Variants in GLMN observed in about 807,000 individuals in gnomAD.
GLMN encodes glomulin, FKBP associated protein, also known as glomulin.
GLMN carries 75 observed loss-of-function variants against 87.8 expected under a neutral mutation model. That is an observed-to-expected ratio of 0.85 (90% CI 0.71 to 1.04). The LOEUF is 1.04. GLMN is among the 50% of genes least tolerant of loss of function. The probability of loss-of-function intolerance (pLI) is 0.00; values close to 1 mark genes in which losing one functional copy is unlikely to be tolerated. For missense variants in GLMN, 588 were observed against 658.8 expected (o/e 0.89, Z 1.18); for synonymous variants, 206 against 221.6 (o/e 0.93, Z 0.63).
At chr1:92,347,930 G>A in the GLMN span, among the ~76,000 whole-genome samples, 3 of 151,478 alleles carry the variant, frequency 2.0e-5, no homozygotes, top group Non-Finnish European at 4.4e-5. Flanking sequence ...TTTTCTTTGA[G>A]ATGGAGTCTC....
chr1:92,353,933 C>T, the GLMN span, among the ~76,000 whole-genome samples: 14 of 152,220 alleles, frequency 9.2e-5, no homozygotes, highest in East Asian at 2.7e-3. Flanking sequence ...ACAGAATTCC[C>T]TATATCTTTG....
chr1:92,302,786 G>C (rs12039663), upstream of GLMN, among the ~76,000 whole-genome samples: 1 of 151,682 alleles, frequency 6.6e-6, no homozygotes, highest in Non-Finnish European at 1.5e-5. Flanking sequence ...ATTTTTAGTA[G>C]AGATGGGATT....
chr1:92,287,327 T>C (rs948882585), intron 6 of GLMN, among the ~76,000 whole-genome samples: 1 of 152,160 alleles, frequency 6.6e-6, no homozygotes, highest in African/African-American at 2.4e-5. Flanking sequence ...TTTTATGAAA[T>C]AATGGGTTTT....
chr1:92,354,349 G>A, the GLMN span, among the ~76,000 whole-genome samples: 1 of 152,134 alleles, frequency 6.6e-6, no homozygotes, highest in African/African-American at 2.4e-5. Flanking sequence ...ACTATTCTGA[G>A]AGAATTGTTA....
the GLMN span, among the ~76,000 whole-genome samples, chr1:92,319,673 T>G: frequency 6.6e-6 from 1 of 152,158 alleles, no homozygotes; most frequent in Non-Finnish European, 1.5e-5. Context: ...GAGCTTATAG[T>G]CTAGTTAAGA....
the GLMN span, among the ~76,000 whole-genome samples, chr1:92,312,311 T>G: frequency 1.3e-5 from 2 of 152,158 alleles, no homozygotes; most frequent in South Asian, 4.2e-4. Context: ...TTGTAGCTAC[T>G]TGGGATGCTG....
chr1:92,352,759 G>T, the GLMN span, among the ~76,000 whole-genome samples: 1 of 152,158 alleles, frequency 6.6e-6, no homozygotes, highest in South Asian at 2.1e-4. Context: ...CTGGTTTTTA[G>T]TATATTCACT....
chr1:92,263,350 C>T (rs918736216), intron 15 of GLMN, among the ~76,000 whole-genome samples: 4 of 152,086 alleles, frequency 2.6e-5, no homozygotes, highest in African/African-American at 9.7e-5. Flanking sequence ...TTTTAAGTCA[C>T]AAGTGCTGTC....
the GLMN span, among the ~76,000 whole-genome samples, chr1:92,364,423 A>C: frequency 6.6e-6 from 1 of 152,202 alleles, no homozygotes; most frequent in Non-Finnish European, 1.5e-5. Context: ...GGTCATCCTC[A>C]TCAAATAATT....
chr1:92,330,778 T>C, the GLMN span, among the ~76,000 whole-genome samples: 1 of 152,120 alleles, frequency 6.6e-6, no homozygotes, highest in Non-Finnish European at 1.5e-5. Flanking sequence ...TTAAAAACTT[T>C]TTGTTATGGA....
the GLMN span, among the ~76,000 whole-genome samples, chr1:92,310,402 A>G: frequency 6.6e-6 from 1 of 152,200 alleles, no homozygotes; most frequent in East Asian, 1.9e-4. Flanking sequence ...GAAATGTGAT[A>G]TTTTAAAGAA....
chr1:92,354,198 G>C, the GLMN span, among the ~76,000 whole-genome samples: 2 of 152,158 alleles, frequency 1.3e-5, no homozygotes, highest in African/African-American at 4.8e-5. Context: ...TGAGCTCCCT[G>C]AGAGCTAGGA....
chr1:92,370,142 C>T, the GLMN span, among the ~76,000 whole-genome samples: 2 of 152,222 alleles, frequency 1.3e-5, no homozygotes, highest in African/African-American at 4.8e-5. Flanking sequence ...GCATCAGCCT[C>T]CCAAAGTGCT....
intron 16 of GLMN, among the ~76,000 whole-genome samples, chr1:92,249,998 A>G (rs1376779132): frequency 6.7e-6 from 1 of 149,538 alleles, no homozygotes; most frequent in Non-Finnish European, 1.5e-5. Context: ...CTGCCCCCCA[A>G]CTTTTTTTTT....
the GLMN span, chr1:92,324,322 A>C: frequency 3.7e-6 from 6 of 1,613,996 alleles, no homozygotes; most frequent in Non-Finnish European, 2.5e-6. Flanking sequence ...GGAGTTTTAC[A>C]GAGGACGGTA....
rs56863593 is a variant in GLMN, at chr1:92,264,417, GA to G, written c.1299+136del. The G allele has an allele frequency of 0.038, 22,905 of 596,014 alleles. 3,015 individuals are homozygous for G. Among genetic ancestry groups the G allele is most frequent in the African/African-American group, 0.33 (17,710 of 53,134 alleles). The allele number at this position is 596,014 out of a possible 1,614,324, so 36.9% of individuals were successfully genotyped here. A position where few individuals can be genotyped will look rare whatever the true frequency, so the allele number is the denominator to read the frequency against. On this transcript the variant is annotated intron_variant, in intron 14 of 18. Transcript: ENST00000370360. Reference sequence around the variant, plus strand: ...TTTTTAAAACATAGTAGAAATAGGGGAAAAAATATGCCTTAATAATATTTAA... The same window carrying G: ...TTTTTAAAACATAGTAGAAATAGGGGAAAAATATGCCTTAATAATATTTAA...
chr1:92,304,132 A>G, the GLMN span: 1 of 1,356,708 alleles, frequency 7.4e-7, no homozygotes, highest in South Asian at 1.3e-5. Flanking sequence ...TTAGCAAAAT[A>G]CTTTGTTGTA....
At chr1:92,330,453 T>C in the GLMN span, among the ~76,000 whole-genome samples, 1 of 140,588 alleles carries the variant, frequency 7.1e-6, no homozygotes, top group Admixed American at 7.1e-5. Flanking sequence ...TTTTTTTTTT[T>C]TTTTTTTTTT....
Position 92,262,904 on chromosome 1 carries a change from A to G in GLMN, c.1432T>C (p.Leu478=). Residue 478 remains leucine (L), a synonymous_variant, in exon 16 of 19, where the codon TTG becomes CTG. Transcript: ENST00000370360. ...TTATCTTTGATAACCAAATACCTCAATAAATTTAATGAAGCCATAATCCTG... is the reference window on the plus strand; with the variant it reads ...TTATCTTTGATAACCAAATACCTCAGTAAATTTAATGAAGCCATAATCCTG... ...SDRIMASLNL[L]RYLVIKDNEN... 1.7e-6 allele frequency: 2 copies of G among 1,154,994 alleles called. No homozygotes were observed. Among genetic ancestry groups the G allele is most frequent in the African/African-American group, 1.5e-5 (1 of 66,926 alleles). The allele number at this position is 1,154,994 out of a possible 1,614,324, so 71.5% of individuals were successfully genotyped here.
Sources: allele counts gnomAD v4.1 joint callset (sites outside exome capture counted in the v4.1 genomes callset), GRCh38; gene constraint gnomAD v4.1.1; transcripts MANE v1.5; gene names NCBI Gene and HGNC (gene_info 2026-07-23, HGNC 2026-07-21).